Variants in PTPRD observed in about 807,000 individuals in gnomAD.
PTPRD encodes the protein receptor-type tyrosine-protein phosphatase delta.
In PTPRD, 34 loss-of-function variants were observed where a neutral mutation model predicts 214.5. That is an observed-to-expected ratio of 0.16 (90% CI 0.12 to 0.21). PTPRD has a LOEUF of 0.21. Ranked by LOEUF, PTPRD falls within the 10% of genes least tolerant of loss-of-function variation. PTPRD has a pLI of 1.00. For synonymous variants in PTPRD, 1,128 were observed against 845.7 expected (o/e 1.33, Z -5.79); for missense variants, 2,545 against 2,398.7 (o/e 1.06, Z -1.27).
At chr9:8,733,706 TGA>T in intron 12 of PTPRD, 72 bp downstream of exon 12, 1 of 1,459,876 alleles carries the variant, frequency 6.8e-7, no homozygotes, top group South Asian at 1.2e-5. Flanking sequence ...TCAGAGGCCC[TGA>T]GCCTGGTGCC....
chr9:10,087,594 G>A (rs1426741077), intron 3 of PTPRD, among the ~76,000 whole-genome samples: 1 of 151,604 alleles, frequency 6.6e-6, no homozygotes, highest in African/African-American at 2.4e-5. Context: ...TATAATAACT[G>A]ATCTTCCGGA....
At chr9:10,599,678 G>A (rs931841569) in intron 2 of PTPRD, among the ~76,000 whole-genome samples, 2 of 151,698 alleles carry the variant, frequency 1.3e-5, no homozygotes, top group East Asian at 1.9e-4. Context: ...TATTCATTTG[G>A]TTGTTAAGTT....
At chr9:8,822,820 C>T (rs542626948) in intron 11 of PTPRD, among the ~76,000 whole-genome samples, 2 of 152,114 alleles carry the variant, frequency 1.3e-5, no homozygotes, top group Admixed American at 1.3e-4. Context: ...CCCTCCCATC[C>T]CCCAAAACCA....
chr9:8,346,994 T>A (rs2074011964), intron 39 of PTPRD, among the ~76,000 whole-genome samples: 1 of 152,030 alleles, frequency 6.6e-6, no homozygotes, highest in Non-Finnish European at 1.5e-5. Context: ...GTGAAATACA[T>A]GAACAGAAAC....
chr9:8,711,710 T>C (rs948052321), intron 12 of PTPRD, among the ~76,000 whole-genome samples: 2 of 152,202 alleles, frequency 1.3e-5, no homozygotes, highest in African/African-American at 4.8e-5. Flanking sequence ...CAGGTATCTG[T>C]TGGTTTTGCT....
intron 3 of PTPRD, among the ~76,000 whole-genome samples, chr9:10,146,246 T>TGC (rs2099022139): frequency 6.6e-6 from 1 of 151,626 alleles, no homozygotes; most frequent in South Asian, 2.1e-4. Flanking sequence ...CATCCATGCA[T>TGC]ACATACATAC....
chr9:8,911,229 T>G (rs544207230), intron 11 of PTPRD, among the ~76,000 whole-genome samples: 3 of 152,342 alleles, frequency 2.0e-5, no homozygotes, highest in African/African-American at 7.2e-5. Context: ...CAATGTGGTA[T>G]TGTCCTGAGA....
chr9:9,565,282 C>T (rs2084161077), intron 8 of PTPRD, among the ~76,000 whole-genome samples: 1 of 151,706 alleles, frequency 6.6e-6, no homozygotes, highest in Admixed American at 6.6e-5. Flanking sequence ...TAGGAATTTT[C>T]TGATCTGAAA....
At chr9:9,486,498 C>T (rs572216441) in intron 8 of PTPRD, among the ~76,000 whole-genome samples, 2 of 152,198 alleles carry the variant, frequency 1.3e-5, no homozygotes, top group South Asian at 4.1e-4. Context: ...TAGACACATA[C>T]ACTCTTATGC....
intron 9 of PTPRD, among the ~76,000 whole-genome samples, chr9:9,390,753 A>G (rs2065534572): frequency 2.6e-5 from 4 of 152,138 alleles, no homozygotes; most frequent in Admixed American, 2.6e-4. Flanking sequence ...CAAGTTCTGA[A>G]TTTCCTCACT....
chr9:10,123,270 G>A (rs981951077), intron 3 of PTPRD, among the ~76,000 whole-genome samples: 1 of 152,166 alleles, frequency 6.6e-6, no homozygotes, highest in African/African-American at 2.4e-5. Context: ...AGACCCAATA[G>A]ACTTTAATTA....
At chr9:9,361,846 A>C (rs2056282928) in intron 9 of PTPRD, among the ~76,000 whole-genome samples, 1 of 151,098 alleles carries the variant, frequency 6.6e-6, no homozygotes, top group Non-Finnish European at 1.5e-5. Context: ...ACAACTATTT[A>C]TCAGGGCCTA....
intron 8 of PTPRD, among the ~76,000 whole-genome samples, chr9:9,526,854 T>C (rs2074245226): frequency 6.6e-6 from 1 of 152,216 alleles, no homozygotes; most frequent in Admixed American, 6.5e-5. Context: ...ATGCTTTATA[T>C]ACCTGTAGTT....
intron 2 of PTPRD, among the ~76,000 whole-genome samples, chr9:10,589,645 A>T (rs753232441): frequency 1.3e-5 from 2 of 152,056 alleles, no homozygotes; most frequent in Non-Finnish European, 2.9e-5. Flanking sequence ...ATGAAAGAGG[A>T]TAAAACCTTT....
chr9:9,179,588 G>C (rs563373856), intron 10 of PTPRD, among the ~76,000 whole-genome samples: 77 of 152,124 alleles, frequency 5.1e-4, no homozygotes, highest in Non-Finnish European at 7.9e-4. Context: ...AAGCATCTAT[G>C]GTTTCAATGT....
intron 9 of PTPRD, among the ~76,000 whole-genome samples, chr9:9,197,755 T>C (rs1480801165): frequency 2.6e-5 from 4 of 152,204 alleles, no homozygotes; most frequent in African/African-American, 4.8e-5. Flanking sequence ...TACTCTGGCT[T>C]CCTTTTCCTG....
intron 2 of PTPRD, among the ~76,000 whole-genome samples, chr9:10,592,214 T>G (rs2075632180): frequency 1.3e-5 from 2 of 151,730 alleles, no homozygotes; most frequent in African/African-American, 4.8e-5. Flanking sequence ...CGGAAAAGGG[T>G]TAATGGAAAG....
chr9:8,728,191 G>A (rs1162217124), intron 12 of PTPRD, among the ~76,000 whole-genome samples: 2 of 152,074 alleles, frequency 1.3e-5, no homozygotes, highest in South Asian at 2.1e-4. Context: ...CGGAGGTTGC[G>A]ATGAGCCAAG....
At position 8,706,664 on chromosome 9, in the gene PTPRD, T is replaced by C. The variant is rs113272937; in HGVS notation, c.64+27116A>G. 5.2e-3 allele frequency among the ~76,000 whole-genome samples: 799 copies of C among 152,304 alleles called. 9 individuals carry two copies. The highest frequency in any genetic ancestry group is 0.018 in the African/African-American group (757 of 41,570). ...TGAGCATATGCCAGGCAGGAATGCA[T>C]GTCAGAGTCCTTTGATGGAAATTCA... On this transcript the variant is annotated intron_variant, in intron 12 of 45. Transcript: ENST00000381196.
Sources: gnomAD v4.1 joint callset for allele counts (sites outside exome capture counted in the v4.1 genomes callset) on GRCh38, gnomAD v4.1.1 for gene constraint, MANE v1.5 for transcripts, NCBI Gene and HGNC (gene_info 2026-07-23, HGNC 2026-07-21) for gene names.